CEP70: variants seen among roughly 807,000 people sequenced by gnomAD.
CEP70 encodes centrosomal protein of 70 kDa.
Under a neutral mutation model 90.9 loss-of-function variants are expected in CEP70, and 70 were observed. The observed-to-expected ratio is 0.77, with a 90% CI of 0.64 to 0.94. The LOEUF is 0.94. Ranked by LOEUF, CEP70 falls within the 40% of genes least tolerant of loss-of-function variation. The pLI is 0.00. For missense variants in CEP70, 648 were observed against 669.0 expected, an observed-to-expected ratio of 0.97 and a Z score of 0.35; for synonymous variants, 220 against 228.3, an observed-to-expected ratio of 0.96 and a Z score of 0.33.
At chr3:138,516,590 T>A (rs2036051466) in intron 11 of CEP70, among the ~76,000 whole-genome samples, 1 of 152,172 alleles carries the variant, frequency 6.6e-6, no homozygotes, top group African/African-American at 2.4e-5. Context: ...CTCACTACAT[T>A]GCCCAGTCTG....
chr3:138,582,871 A>G (rs2041937569), intron 2 of CEP70, among the ~76,000 whole-genome samples: 1 of 152,172 alleles, frequency 6.6e-6, no homozygotes, highest in South Asian at 2.1e-4. Context: ...CACAAAAAAT[A>G]AGAAGCAAGA....
intron 11 of CEP70, among the ~76,000 whole-genome samples, chr3:138,521,025 C>G (rs551916348): frequency 2.0e-5 from 3 of 152,288 alleles, no homozygotes; most frequent in African/African-American, 7.2e-5. Context: ...GGCCGGGCTG[C>G]TCTCCAACTC....
chr3:138,533,205 C>T (rs538545164), intron 7 of CEP70, among the ~76,000 whole-genome samples: 30 of 151,562 alleles, frequency 2.0e-4, no homozygotes, highest in Admixed American at 5.9e-4. Context: ...CACTTGAACC[C>T]GGGAGGCGGA....
At chr3:138,537,568 CA>C (rs1388877146) in intron 6 of CEP70, among the ~76,000 whole-genome samples, 1 of 152,096 alleles carries the variant, frequency 6.6e-6, no homozygotes, top group Non-Finnish European at 1.5e-5. Context: ...GGGGAAACTA[CA>C]GTTCATAATT....
chr3:138,578,032 C>T (rs1264108071), intron 2 of CEP70, among the ~76,000 whole-genome samples: 2 of 152,190 alleles, frequency 1.3e-5, no homozygotes, highest in African/African-American at 2.4e-5. Context: ...AAAGCAATAG[C>T]AGGTCTTCCC....
At chr3:138,535,107 A>G (rs973354763) in intron 7 of CEP70, among the ~76,000 whole-genome samples, 1 of 152,154 alleles carries the variant, frequency 6.6e-6, no homozygotes, top group African/African-American at 2.4e-5. Context: ...GTTACAGCAC[A>G]CTTTCCATAT....
intron 2 of CEP70, among the ~76,000 whole-genome samples, chr3:138,580,599 C>G (rs1210283398): frequency 6.6e-6 from 1 of 152,116 alleles, no homozygotes; most frequent in Admixed American, 6.5e-5. Flanking sequence ...ATACCTAATT[C>G]TTCAATGCCC....
chr3:138,504,728 A>G (rs1444179899), intron 13 of CEP70, among the ~76,000 whole-genome samples: 2 of 152,182 alleles, frequency 1.3e-5, no homozygotes, highest in Admixed American at 6.5e-5. Flanking sequence ...AACTCTATAA[A>G]TAAAATGTGG....
chr3:138,525,092 T>G (rs1224016686), intron 11 of CEP70, among the ~76,000 whole-genome samples: 2 of 152,034 alleles, frequency 1.3e-5, no homozygotes, highest in Non-Finnish European at 2.9e-5. Context: ...CCATAAAAAA[T>G]GATGAGTTCA....
intron 5 of CEP70, 132 bp from the exon 6 acceptor site, chr3:138,570,630 G>A (rs1576886597): frequency 2.9e-6 from 2 of 680,118 alleles, no homozygotes; most frequent in Non-Finnish European, 4.8e-6. Flanking sequence ...CTTGGAACCA[G>A]AAGTGATTCA....
chr3:138,568,510 C>T (rs997278237), intron 6 of CEP70, among the ~76,000 whole-genome samples: 1 of 152,212 alleles, frequency 6.6e-6, no homozygotes, highest in African/African-American at 2.4e-5. Flanking sequence ...TTTACAGCTT[C>T]TGATGGCTGC....
At chr3:138,496,949 GAAT>G in intron 17 of CEP70, 2 of 986,478 alleles carry the variant, frequency 2.0e-6, no homozygotes, top group Non-Finnish European at 2.4e-6. Context: ...AAATATTTAT[GAAT>G]GATGAGAACA....
chr3:138,511,061 C>T (rs761106822), intron 11 of CEP70, among the ~76,000 whole-genome samples: 15 of 151,802 alleles, frequency 9.9e-5, no homozygotes, highest in Non-Finnish European at 1.3e-4. Flanking sequence ...TTAGTAGAAA[C>T]GGTGTTTTAC....
intron 6 of CEP70, among the ~76,000 whole-genome samples, chr3:138,564,938 T>G (rs966302484): frequency 6.6e-6 from 1 of 152,068 alleles, no homozygotes; most frequent in Non-Finnish European, 1.5e-5. Flanking sequence ...GATTGTATAT[T>G]TAGAAAACCC....
intron 17 of CEP70, chr3:138,495,805 T>C (rs749051292): frequency 2.4e-5 from 20 of 837,944 alleles, no homozygotes; most frequent in East Asian, 1.2e-4. Context: ...TGAGCTGAGA[T>C]TGCGTCACTG....
chr3:138,570,610 A>G (rs1298115939), intron 5 of CEP70, 112 bp from the exon 6 acceptor site: 2 of 824,964 alleles, frequency 2.4e-6, no homozygotes, highest in Non-Finnish European at 3.8e-6. Context: ...CATTCTCTTT[A>G]TCCAAAATGC....
At chr3:138,527,963 T>C (rs1015416263) in intron 10 of CEP70, among the ~76,000 whole-genome samples, 3 of 150,508 alleles carry the variant, frequency 2.0e-5, no homozygotes, top group Non-Finnish European at 4.4e-5. Flanking sequence ...CTTACATATA[T>C]GCAGTGTACT....
chr3:138,582,255 C>G (rs986813282), intron 2 of CEP70, among the ~76,000 whole-genome samples: 1 of 152,000 alleles, frequency 6.6e-6, no homozygotes, highest in African/African-American at 2.4e-5. Context: ...GGGTGGATCA[C>G]GAGGTCAGGA....
At chr3:138,592,155 T>A (rs1162200291) in intron 1 of CEP70, among the ~76,000 whole-genome samples, 199 bp from the exon 2 acceptor site, 2 of 152,184 alleles carry the variant, frequency 1.3e-5, no homozygotes, top group Non-Finnish European at 2.9e-5. Context: ...CCTTCTTATC[T>A]TTCCTCTCCC....
Sources: gnomAD v4.1 joint callset for allele counts (sites outside exome capture counted in the v4.1 genomes callset) on GRCh38, gnomAD v4.1.1 for gene constraint, MANE v1.5 for transcripts, NCBI Gene and HGNC (gene_info 2026-07-23, HGNC 2026-07-21) for gene names.